The following RAB38 variants were observed in gnomAD, a reference collection of about 807,000 sequenced individuals.
RAB38 encodes ras-related protein Rab-38.
Under a neutral mutation model 18.4 loss-of-function variants are expected in RAB38, and 15 were observed. That is an observed-to-expected ratio of 0.82 (90% CI 0.55 to 1.26). The LOEUF is 1.26. RAB38 is among the 50% of genes most tolerant of loss of function. RAB38 has a pLI of 0.00. For missense variants in RAB38, 294 were observed against 267.4 expected (o/e 1.10, Z -0.69); for synonymous variants, 101 against 104.4 (o/e 0.97, Z 0.20).
the RAB38 span, among the ~76,000 whole-genome samples, chr11:88,095,110 C>A: frequency 6.6e-6 from 1 of 151,792 alleles, no homozygotes; most frequent in African/African-American, 2.4e-5. Context: ...CTCCCTTCCC[C>A]AGTCTATTGG....
the RAB38 span, among the ~76,000 whole-genome samples, chr11:87,829,726 C>T: frequency 6.6e-6 from 1 of 152,068 alleles, no homozygotes; most frequent in Non-Finnish European, 1.5e-5. Flanking sequence ...TTTTAAAAAA[C>T]AAATAAATTT....
chr11:88,169,783 A>G (rs539665110), intron 1 of RAB38, among the ~76,000 whole-genome samples: 2 of 152,308 alleles, frequency 1.3e-5, no homozygotes, highest in Admixed American at 6.5e-5. Context: ...TGTGGACAAC[A>G]TCTCTGCACC....
the RAB38 span, among the ~76,000 whole-genome samples, chr11:87,860,221 CAA>C: frequency 6.6e-6 from 1 of 151,816 alleles, no homozygotes. Flanking sequence ...TAAATAAGAG[CAA>C]TACTAAATAT....
the RAB38 span, among the ~76,000 whole-genome samples, chr11:87,971,511 C>T: frequency 6.6e-6 from 1 of 152,130 alleles, no homozygotes; most frequent in Admixed American, 6.6e-5. Context: ...GACCTCCCTT[C>T]CCGTCACACC....
chr11:87,951,256 T>C, the RAB38 span, among the ~76,000 whole-genome samples: 2 of 152,190 alleles, frequency 1.3e-5, no homozygotes, highest in South Asian at 2.1e-4. Context: ...TAAGGACTTC[T>C]CCTCTGCATT....
the RAB38 span, among the ~76,000 whole-genome samples, chr11:87,893,286 TTG>T: frequency 5.0e-5 from 7 of 139,218 alleles, no homozygotes; most frequent in South Asian, 2.2e-4. Context: ...TTTCCAGATT[TTG>T]TGTGTGTGTG....
chr11:88,163,231 CT>C (rs1555012868), intron 1 of RAB38, among the ~76,000 whole-genome samples: 1 of 152,090 alleles, frequency 6.6e-6, no homozygotes, highest in Non-Finnish European at 1.5e-5. Flanking sequence ...GAGGCTGTTA[CT>C]TTATGCTCAC....
chr11:88,096,458 G>A, the RAB38 span, among the ~76,000 whole-genome samples: 1 of 151,682 alleles, frequency 6.6e-6, no homozygotes, highest in Admixed American at 6.6e-5. Context: ...TCCCTCTTAC[G>A]TGTCTACCTT....
At chr11:88,019,102 TTCTC>T in the RAB38 span, among the ~76,000 whole-genome samples, 1 of 152,112 alleles carries the variant, frequency 6.6e-6, no homozygotes, top group African/African-American at 2.4e-5. Context: ...TCCTCTTCTC[TTCTC>T]TAACCACACT....
the RAB38 span, among the ~76,000 whole-genome samples, chr11:88,028,686 A>G: frequency 6.6e-6 from 1 of 152,218 alleles, no homozygotes; most frequent in Non-Finnish European, 1.5e-5. Context: ...AGAAAAAAGA[A>G]TAAAAAGAAA....
At chr11:87,935,140 G>A in the RAB38 span, among the ~76,000 whole-genome samples, 1 of 105,894 alleles carries the variant, frequency 9.4e-6, no homozygotes, top group Non-Finnish European at 1.9e-5. Context: ...AGAAATTAAG[G>A]GTTGCTATAT....
the RAB38 span, among the ~76,000 whole-genome samples, chr11:87,955,182 T>G: frequency 9.2e-5 from 14 of 152,014 alleles, no homozygotes; most frequent in African/African-American, 3.4e-4. Context: ...TCCACATTGG[T>G]GCACTCTTCC....
the RAB38 span, among the ~76,000 whole-genome samples, chr11:87,959,161 C>A: frequency 6.6e-6 from 1 of 152,056 alleles, no homozygotes; most frequent in African/African-American, 2.4e-5. Context: ...GTGTTGCTTG[C>A]AGTTGTGTTT....
At chr11:88,014,992 T>C in the RAB38 span, among the ~76,000 whole-genome samples, 58 of 151,944 alleles carry the variant, frequency 3.8e-4, no homozygotes, top group Admixed American at 3.5e-3. Flanking sequence ...TCAAAGCAAA[T>C]TAGTAACCAA....
chr11:87,952,043 A>G, the RAB38 span, among the ~76,000 whole-genome samples: 1,074 of 152,152 alleles, frequency 7.1e-3, 63 homozygotes, highest in Non-Finnish European at 1.1e-3. Flanking sequence ...AGCTGAGTCA[A>G]TTTGGGGAGC....
At chr11:87,850,046 C>G in the RAB38 span, among the ~76,000 whole-genome samples, 1 of 152,090 alleles carries the variant, frequency 6.6e-6, no homozygotes, top group East Asian at 1.9e-4. Flanking sequence ...GGGCACTTCA[C>G]TATAAGTACA....
intron 1 of RAB38, among the ~76,000 whole-genome samples, chr11:88,172,066 C>T (rs1324086988): frequency 6.6e-6 from 1 of 152,244 alleles, no homozygotes; most frequent in Non-Finnish European, 1.5e-5. Flanking sequence ...TGTGGGCCAG[C>T]TGTGTGCCAG....
chr11:87,963,651 CT>C, the RAB38 span, among the ~76,000 whole-genome samples: 13,158 of 143,204 alleles, frequency 0.092, 646 homozygotes, highest in South Asian at 0.16. Context: ...TTCTTTTTTT[CT>C]TTTTTTTTTT....
chr11:87,875,765 AT>A, the RAB38 span, among the ~76,000 whole-genome samples: 2 of 151,454 alleles, frequency 1.3e-5, no homozygotes, highest in African/African-American at 4.8e-5. Context: ...TATTTTTAAA[AT>A]TTTTGTTGTT....
Sources: allele counts gnomAD v4.1 joint callset (sites outside exome capture counted in the v4.1 genomes callset), GRCh38; gene constraint gnomAD v4.1.1; transcripts MANE v1.5; gene names NCBI Gene and HGNC (gene_info 2026-07-23, HGNC 2026-07-21).